The following BOLA3 variants were observed in gnomAD, a reference collection of about 807,000 sequenced individuals.
BOLA3 encodes bolA-like protein 3.
Under a neutral mutation model 14.5 loss-of-function variants are expected in BOLA3, and 8 were observed. The ratio of observed to expected loss-of-function variants is 0.55; its 90% CI spans 0.32 to 0.99. BOLA3 has a LOEUF of 0.99. Ranked by LOEUF, BOLA3 falls within the 50% of genes least tolerant of loss-of-function variation. BOLA3 has a pLI of 0.04. For synonymous variants in BOLA3, 42 were observed against 45.7 expected (o/e 0.92, Z 0.33); for missense variants, 115 against 138.2 (o/e 0.83, Z 0.84).
rs142868057 is a variant in BOLA3 at position 74,135,676 on chromosome 2, A to C, written c.259-18T>G. On this transcript the variant is annotated intron_variant, in intron 3 of 3. Coordinates refer to ENST00000327428, the MANE Select transcript of BOLA3 (RefSeq NM_212552.3). ...TTTAGTGCCTAAGTAAGAAAACAGCATCATCAGTTTTTGTGTATTTGACGT... is the reference window on the plus strand; with the variant it reads ...TTTAGTGCCTAAGTAAGAAAACAGCCTCATCAGTTTTTGTGTATTTGACGT... The C allele has an allele frequency of 7.0e-4, 1,090 of 1,559,950 alleles. 2 individuals are homozygous for C. The African/African-American group carries it at 0.013, about 18-fold the overall frequency.
intron 1 of BOLA3, chr2:74,147,430 C>T: frequency 3.5e-6 from 1 of 289,748 alleles, no homozygotes; most frequent in Admixed American, 5.5e-5. Context: ...GCCCAGTCGA[C>T]CTTCCCAAGG....
rs1408992557 is a variant in BOLA3, at chr2:74,141,385, G to A, written c.258+887C>T. Among the ~76,000 whole-genome samples the A allele has an allele frequency of 2.0e-5, 3 of 151,974 alleles. No individual in the cohort carries two copies. In the East Asian group the frequency reaches 5.8e-4, roughly 29 times the overall value. ...CAGCCAAAAAAGGGGGCCGGGGAGG[G>A]TGGGGGAACGGCATTCATTCCCTGC... is the stretch of plus-strand genomic sequence containing the variant. On this transcript the variant is annotated intron_variant, in intron 3 of 3. Transcript: ENST00000327428.
intron 3 of BOLA3, among the ~76,000 whole-genome samples, chr2:74,139,118 C>T (rs1039482263): frequency 1.3e-5 from 2 of 152,116 alleles, no homozygotes; most frequent in African/African-American, 4.8e-5. Context: ...CCCAGAGGAA[C>T]GAGTCCATTC....
At chr2:74,147,649 G>C (rs1169159518) in intron 1 of BOLA3, 172 bp downstream of exon 1, 1 of 694,702 alleles carries the variant, frequency 1.4e-6, no homozygotes, top group Non-Finnish European at 2.4e-6. Flanking sequence ...CGTTGTCGCT[G>C]AGTGAATGAA....
At chr2:74,144,554 C>T (rs1047925374) in intron 2 of BOLA3, among the ~76,000 whole-genome samples, 8 of 152,156 alleles carry the variant, frequency 5.3e-5, no homozygotes, top group African/African-American at 9.7e-5. Context: ...GCCTATCTTC[C>T]CCATCCTGTG....
chr2:74,141,803 T>A (rs773312369), intron 3 of BOLA3, among the ~76,000 whole-genome samples: 20 of 152,206 alleles, frequency 1.3e-4, no homozygotes, highest in Non-Finnish European at 2.6e-4. Flanking sequence ...AAACTGAGCC[T>A]TAGGCTGGTT....
chr2:74,143,359 C>A (rs1464539494), intron 2 of BOLA3, among the ~76,000 whole-genome samples: 1 of 152,088 alleles, frequency 6.6e-6, no homozygotes, highest in Non-Finnish European at 1.5e-5. Flanking sequence ...CGGGGTTTCA[C>A]CGTGTTAGCC....
At chr2:74,137,071 T>C (rs1692346696) in intron 3 of BOLA3, among the ~76,000 whole-genome samples, 1 of 152,256 alleles carries the variant, frequency 6.6e-6, no homozygotes, top group South Asian at 2.1e-4. Context: ...GACATTTTTC[T>C]TTTCTAGTCT....
chr2:74,147,911 A>T lies in BOLA3; in HGVS notation c.-37T>A. On this transcript the variant is annotated 5_prime_UTR_variant, in exon 1 of 4. Transcript: ENST00000327428. Reference sequence around the variant, plus strand: ...GTGACCCGCCGCCCGAGGTCACTGTATGCCCGAAAGACGCGGAGCGGGGGA... The same window carrying T: ...GTGACCCGCCGCCCGAGGTCACTGTTTGCCCGAAAGACGCGGAGCGGGGGA... 1 of 1,495,714 alleles carries T rather than the reference A, an allele frequency of 6.7e-7. No homozygotes were observed. The highest frequency in any genetic ancestry group is 8.9e-7 in the Non-Finnish European group (1 of 1,129,298). The allele number at this position is 1,495,714 out of a possible 1,614,324, so 92.7% of individuals were successfully genotyped here.
intron 1 of BOLA3, 38 bp from the exon 2 acceptor site, chr2:74,145,341 G>A (rs759322175): frequency 8.0e-7 from 1 of 1,246,408 alleles, no homozygotes; most frequent in South Asian, 1.2e-5. Context: ...GGCAGAGGAA[G>A]ATGCTGTTGC....
rs144124028 is a variant in BOLA3, at chr2:74,142,001, T to C, written c.258+271A>G. 9.9e-4 allele frequency among the ~76,000 whole-genome samples: 151 copies of C among 152,348 alleles called. 1 individual carries two copies. Among genetic ancestry groups the C allele is most frequent in the Admixed American group, 3.6e-3 (55 of 15,302 alleles). On this transcript the variant is annotated intron_variant, in intron 3 of 3. Transcript: ENST00000327428. ...GTCTGTGTTTAGATATACTCATCAA[T>C]ATGTGACAATAACAGTAAACATAGG...
At position 74,142,450 on chromosome 2, in the gene BOLA3, G is replaced by T. The variant is rs1413004201; in HGVS notation, c.170-90C>A. ...CCTTGAAGTACTGTACAATCCAAAG[G>T]TCTGAATATTATCATTCAGCACAAA... On this transcript the variant is annotated intron_variant, in intron 2 of 3. Transcript: ENST00000327428. 1.8e-5 allele frequency: 18 copies of T among 992,572 alleles called. No individual in the cohort carries two copies. In the East Asian group the frequency reaches 3.9e-4, roughly 22 times the overall value. The allele number at this position is 992,572 out of a possible 1,614,324, so 61.5% of individuals were successfully genotyped here.
rs750775213 is a variant in BOLA3, at chr2:74,147,876, C to G, written c.-2G>C. The G allele has an allele frequency of 6.6e-7, 1 of 1,517,708 alleles. No homozygotes were observed. The highest frequency in any genetic ancestry group is 8.8e-7 in the Non-Finnish European group (1 of 1,140,266). 94.0% of individuals were successfully genotyped at this position (1,517,708 alleles called of 1,614,324 possible). ...CGCGGCCGGGCTCCATGCAGCCATG[C>G]CCGGCCGACGTGACCCGCCGCCCGA... is the stretch of plus-strand genomic sequence containing the variant. On this transcript the variant is annotated 5_prime_UTR_variant, in exon 1 of 4. Coordinates refer to ENST00000327428, the MANE Select transcript of BOLA3 (RefSeq NM_212552.3).
At chr2:74,146,335 T>A (rs989616057) in intron 1 of BOLA3, 7 of 152,006 alleles carry the variant, frequency 4.6e-5, no homozygotes, top group African/African-American at 1.7e-4. Flanking sequence ...CAACAGTTAG[T>A]AGTGAAGGAG....
chr2:74,137,479 T>C (rs1374282924), intron 3 of BOLA3, among the ~76,000 whole-genome samples: 1 of 152,216 alleles, frequency 6.6e-6, no homozygotes, highest in African/African-American at 2.4e-5. Context: ...TGTTTGCTTA[T>C]GCTAATTTTA....
At chr2:74,145,692 A>C in intron 1 of BOLA3, 1 of 305,860 alleles carries the variant, frequency 3.3e-6, no homozygotes, top group South Asian at 3.0e-5. Context: ...AGAGCCAGAA[A>C]AGCTGGATAG....
At chr2:74,146,069 T>G (rs1558823579) in intron 1 of BOLA3, 1 of 151,678 alleles carries the variant, frequency 6.6e-6, no homozygotes, top group Admixed American at 6.6e-5. Context: ...CTCAGCTCAC[T>G]GCAACTTCCA....
At chr2:74,145,643 C>T (rs966692905) in intron 1 of BOLA3, 4 of 356,434 alleles carry the variant, frequency 1.1e-5, no homozygotes, top group African/African-American at 8.4e-5. Flanking sequence ...GAAACTGAGG[C>T]ACACAGTAAT....
At chr2:74,144,550 C>T (rs1572943690) in intron 2 of BOLA3, among the ~76,000 whole-genome samples, 1 of 152,198 alleles carries the variant, frequency 6.6e-6, no homozygotes, top group East Asian at 1.9e-4. Context: ...AAGGGCCTAT[C>T]TTCCCCATCC....
Sources: gnomAD v4.1 joint callset for allele counts (sites outside exome capture counted in the v4.1 genomes callset) on GRCh38, gnomAD v4.1.1 for gene constraint, MANE v1.5 for transcripts, NCBI Gene and HGNC (gene_info 2026-07-23, HGNC 2026-07-21) for gene names.